Variants in RAPGEF4 observed in about 807,000 individuals in gnomAD.
RAPGEF4 encodes the protein RAP guanine-nucleotide-exchange factor (GEF) 4.
Under a neutral mutation model 147.9 loss-of-function variants are expected in RAPGEF4, and 66 were observed. The observed-to-expected ratio is 0.45, with a 90% CI of 0.37 to 0.55. RAPGEF4 has a LOEUF of 0.55. Ranked by LOEUF, RAPGEF4 falls within the 20% of genes least tolerant of loss-of-function variation. The pLI is 0.00. For missense variants in RAPGEF4, 1,071 were observed against 1,257.3 expected, an observed-to-expected ratio of 0.85 and a Z score of 2.24; for synonymous variants, 419 against 442.7, an observed-to-expected ratio of 0.95 and a Z score of 0.67.
chr2:172,847,607 G>T (rs924996287), intron 4 of RAPGEF4, among the ~76,000 whole-genome samples: 6 of 152,324 alleles, frequency 3.9e-5, no homozygotes, highest in Non-Finnish European at 5.9e-5. Flanking sequence ...AGCAGGCAAG[G>T]TGTTTCATGT....
chr2:172,922,181 A>G, intron 5 of RAPGEF4, 100 bp from the exon 6 acceptor site: 1 of 1,104,698 alleles, frequency 9.1e-7, no homozygotes, highest in South Asian at 1.3e-5. Context: ...AATTGAAAAC[A>G]CTGAAATTTT....
At chr2:172,988,068 C>G in intron 12 of RAPGEF4, 128 bp from the exon 13 acceptor site, 1 of 1,329,704 alleles carries the variant, frequency 7.5e-7, no homozygotes. Context: ...TTAATATTTG[C>G]CAGTGATGTT....
intron 4 of RAPGEF4, among the ~76,000 whole-genome samples, chr2:172,897,321 T>C (rs1203669539): frequency 1.3e-5 from 2 of 152,116 alleles, no homozygotes; most frequent in Admixed American, 1.3e-4. Flanking sequence ...CTCCTGAGAC[T>C]CAGATTTGGG....
chr2:172,859,940 C>G, intron 4 of RAPGEF4: 2 of 780,530 alleles, frequency 2.6e-6, no homozygotes, highest in Non-Finnish European at 3.1e-6. Context: ...GTAGAATAAA[C>G]AGTGGAATCC....
At chr2:173,014,402 T>C in intron 17 of RAPGEF4, 62 bp from the exon 18 acceptor site, 1 of 1,603,294 alleles carries the variant, frequency 6.2e-7, no homozygotes, top group Non-Finnish European at 8.5e-7. Context: ...ACTCTTTACC[T>C]TTGAAAGTAG....
intron 6 of RAPGEF4, among the ~76,000 whole-genome samples, chr2:172,935,739 C>A (rs899281783): frequency 6.6e-6 from 1 of 152,196 alleles, no homozygotes; most frequent in East Asian, 1.9e-4. Flanking sequence ...TTTTCTTTTG[C>A]ACCGTCTTCT....
chr2:172,934,993 G>A (rs1199986351), intron 6 of RAPGEF4, among the ~76,000 whole-genome samples: 1 of 152,082 alleles, frequency 6.6e-6, no homozygotes, highest in African/African-American at 2.4e-5. Flanking sequence ...CCTGGGCAAC[G>A]TGGTGAGGCC....
At chr2:173,022,541 G>A (rs527905190) in intron 23 of RAPGEF4, among the ~76,000 whole-genome samples, 13 of 152,306 alleles carry the variant, frequency 8.5e-5, no homozygotes, top group Non-Finnish European at 1.9e-4. Context: ...CACAGAGGAT[G>A]ACCCTGCAGT....
intron 1 of RAPGEF4, among the ~76,000 whole-genome samples, chr2:172,749,837 C>T (rs1372421271): frequency 6.6e-6 from 1 of 152,156 alleles, no homozygotes; most frequent in Non-Finnish European, 1.5e-5. Flanking sequence ...TTCTTGAGTG[C>T]TTTGCCACTT....
intron 4 of RAPGEF4, among the ~76,000 whole-genome samples, chr2:172,874,655 C>T (rs1222880180): frequency 1.3e-5 from 2 of 152,152 alleles, no homozygotes; most frequent in Non-Finnish European, 2.9e-5. Context: ...CATTGTTGGA[C>T]ATTTGGGTTG....
intron 4 of RAPGEF4, among the ~76,000 whole-genome samples, chr2:172,888,620 A>C (rs1311308473): frequency 6.6e-6 from 1 of 152,260 alleles, no homozygotes; most frequent in Non-Finnish European, 1.5e-5. Flanking sequence ...AATAATAAGG[A>C]TAATTCTCAG....
At chr2:172,899,122 C>T (rs1698811429) in intron 4 of RAPGEF4, among the ~76,000 whole-genome samples, 1 of 152,172 alleles carries the variant, frequency 6.6e-6, no homozygotes, top group Non-Finnish European at 1.5e-5. Context: ...GAAAAACACA[C>T]ATTCATGTTT....
At chr2:172,988,311 C>A in intron 13 of RAPGEF4, 39 bp downstream of exon 13, 2 of 1,582,046 alleles carry the variant, frequency 1.3e-6, no homozygotes, top group South Asian at 1.2e-5. Flanking sequence ...TTATTACGCT[C>A]CACTTACTAG....
intron 21 of RAPGEF4, 43 bp from the exon 22 acceptor site, chr2:173,018,613 A>G: frequency 6.5e-7 from 1 of 1,545,720 alleles, no homozygotes; most frequent in East Asian, 2.3e-5. Context: ...TTTATTGAAA[A>G]CTCTTAAGAG....
intron 15 of RAPGEF4, among the ~76,000 whole-genome samples, chr2:172,994,588 G>A (rs1482625561): frequency 2.6e-5 from 4 of 152,320 alleles, no homozygotes; most frequent in South Asian, 2.1e-4. Flanking sequence ...GTAAACATTC[G>A]ACAGATGTTG....
intron 4 of RAPGEF4, among the ~76,000 whole-genome samples, chr2:172,818,210 A>G (rs1022549167): frequency 3.3e-5 from 5 of 151,996 alleles, no homozygotes; most frequent in African/African-American, 1.2e-4. Context: ...GGTGAAGGAT[A>G]AAAGACTACC....
At chr2:172,742,928 T>A (rs1694431178) in intron 1 of RAPGEF4, among the ~76,000 whole-genome samples, 1 of 152,284 alleles carries the variant, frequency 6.6e-6, no homozygotes, top group East Asian at 1.9e-4. Context: ...AAATCCAGCC[T>A]CTTTGTCTTA....
intron 1 of RAPGEF4, among the ~76,000 whole-genome samples, chr2:172,784,277 G>A (rs1164616926): frequency 6.6e-6 from 1 of 152,142 alleles, no homozygotes; most frequent in African/African-American, 2.4e-5. Flanking sequence ...CCAGCACTTT[G>A]GGAAGCTGAG....
intron 4 of RAPGEF4, among the ~76,000 whole-genome samples, chr2:172,829,036 A>G (rs1202493753): frequency 6.6e-6 from 1 of 152,146 alleles, no homozygotes; most frequent in South Asian, 2.1e-4. Context: ...AACATCTCCA[A>G]TTGCTGATTT....
Sources: allele counts gnomAD v4.1 joint callset (sites outside exome capture counted in the v4.1 genomes callset), GRCh38; gene constraint gnomAD v4.1.1; transcripts MANE v1.5; gene names NCBI Gene and HGNC (gene_info 2026-07-23, HGNC 2026-07-21).